The following COG5 variants were observed in gnomAD, a reference collection of about 807,000 sequenced individuals.
The protein encoded by COG5 is conserved oligomeric Golgi complex subunit 5.
Under a neutral mutation model 110.4 loss-of-function variants are expected in COG5, and 86 were observed. The observed-to-expected ratio is 0.78, with a 90% CI of 0.65 to 0.93. The LOEUF is 0.93. Among genes scored for constraint, COG5 ranks in the 40% least tolerant of loss-of-function variants. The pLI is 0.00. For synonymous variants in COG5, 360 were observed against 334.6 expected, an observed-to-expected ratio of 1.08 and a Z score of -0.83; for missense variants, 1,077 against 987.0, an observed-to-expected ratio of 1.09 and a Z score of -1.22.
rs184577995 is a variant in COG5, at chr7:107,378,241, A to T, written c.670-5481T>A. ...ATAGCGTCAACATCAACAAAAAGGA[A>T]GTCCAAAGAGAAACCCCATCTGAAG... On this transcript the variant is annotated intron_variant, in intron 7 of 21. Transcript: ENST00000297135. 1.4e-4 allele frequency among the ~76,000 whole-genome samples: 21 copies of T among 152,276 alleles called. No homozygotes were observed. The East Asian group carries it at 4.1e-3, about 29-fold the overall frequency.
intron 7 of COG5, among the ~76,000 whole-genome samples, chr7:107,403,587 C>A (rs558865444): frequency 6.6e-6 from 1 of 151,550 alleles, no homozygotes; most frequent in East Asian, 1.9e-4. Flanking sequence ...CCTTCCCTGA[C>A]AACGGACACC....
chr7:107,455,032 C>T (rs1254483719), intron 6 of COG5, among the ~76,000 whole-genome samples: 1 of 152,028 alleles, frequency 6.6e-6, no homozygotes, highest in Non-Finnish European at 1.5e-5. Context: ...CACCTTATAC[C>T]TAAGTACTTT....
intron 3 of COG5, among the ~76,000 whole-genome samples, chr7:107,549,567 T>C (rs560035197): frequency 2.6e-5 from 4 of 151,374 alleles, no homozygotes; most frequent in Admixed American, 6.6e-5. Context: ...AATTTTTTTT[T>C]TTTTTTTTGT....
At chr7:107,210,207 T>A in intron 21 of COG5, 6 of 1,192,634 alleles carry the variant, frequency 5.0e-6, no homozygotes, top group Non-Finnish European at 6.3e-6. Flanking sequence ...AAGTAAAAGA[T>A]GCGGAGCTAG....
At position 107,386,288 on chromosome 7, in the gene COG5, CG is replaced by C. The variant is rs1790188507; in HGVS notation, c.670-13529del. ...GGGGTGGGGGTGGTTGTCAAGGAGT[CG>C]GGGCCGGGGTTGCAACTGTTTATGG... On this transcript the variant is annotated intron_variant, in intron 7 of 21. Coordinates refer to ENST00000297135, the MANE Select transcript of COG5 (RefSeq NM_006348.5). 7.3e-5 allele frequency among the ~76,000 whole-genome samples: 11 copies of C among 151,012 alleles called. No homozygotes were observed. The South Asian group carries it at 2.3e-3, about 32-fold the overall frequency.
chr7:107,365,970 T>C (rs1244624177), intron 8 of COG5, among the ~76,000 whole-genome samples: 4 of 152,064 alleles, frequency 2.6e-5, no homozygotes, highest in Admixed American at 1.3e-4. Context: ...TTTTCAATGA[T>C]GAATAATCAT....
At chr7:107,225,896 T>C (rs1800298444) in intron 19 of COG5, among the ~76,000 whole-genome samples, 1 of 151,828 alleles carries the variant, frequency 6.6e-6, no homozygotes, top group Admixed American at 6.6e-5. Context: ...TACAAAAATT[T>C]GCCGGGCATG....
intron 11 of COG5, among the ~76,000 whole-genome samples, chr7:107,305,281 A>G (rs1807616169): frequency 6.6e-6 from 1 of 152,198 alleles, no homozygotes; most frequent in Non-Finnish European, 1.5e-5. Flanking sequence ...GTCAGCCTTC[A>G]TAGCTTAATT....
chr7:107,249,431 A>G lies in COG5; in HGVS notation c.1750-932T>C, dbSNP rs184057718. Among the ~76,000 whole-genome samples, 114 of 152,258 alleles carry G rather than the reference A, an allele frequency of 7.5e-4. 5 individuals are homozygous for G. Among genetic ancestry groups the G allele is most frequent in the Admixed American group, 7.1e-3 (109 of 15,290 alleles). ...ACTGTTCAACAGGGAGGTATAAATC[A>G]TCATTTACTTGATGTAAAACCCTAG... is the stretch of plus-strand genomic sequence containing the variant. On this transcript the variant is annotated intron_variant, in intron 16 of 21. Transcript: ENST00000297135.
At chr7:107,352,144 T>C (rs1812205643) in intron 10 of COG5, among the ~76,000 whole-genome samples, 2 of 147,000 alleles carry the variant, frequency 1.4e-5, no homozygotes, top group South Asian at 4.4e-4. Flanking sequence ...AAATGATGAG[T>C]TCATATCCTT....
At chr7:107,247,179 G>A (rs376159198) in intron 17 of COG5, among the ~76,000 whole-genome samples, 6 of 152,028 alleles carry the variant, frequency 3.9e-5, no homozygotes, top group African/African-American at 1.4e-4. Context: ...GAGAACTTAC[G>A]AACACAAAGA....
In COG5 at chr7:107,209,857, A is replaced by T. The variant is rs927338454; in HGVS notation, c.2375+669T>A. ...GGCGGTCAACTGTAGCTAAAGCTAC[A>T]GAGTGGTAAGGTAAAAATGGGAATG... On this transcript the variant is annotated intron_variant, in intron 21 of 21. Transcript: ENST00000297135. 1.1e-5 allele frequency: 11 copies of T among 985,728 alleles called. No homozygotes were observed. In the African/African-American group the frequency reaches 1.4e-4, roughly 12 times the overall value. 61.1% of individuals were successfully genotyped at this position (985,728 alleles called of 1,614,324 possible). A position where few individuals can be genotyped will look rare whatever the true frequency, so the allele number is the denominator to read the frequency against.
Position 107,438,747 on chromosome 7 carries a change from G to A in COG5, c.539-26115C>T, listed in dbSNP as rs934942943. ...AAAGAAGTAATTATAAACTAGAGGC[G>A]ATTTAAGTGCTTGAAAAGACCATGA... On this transcript the variant is annotated intron_variant, in intron 6 of 21. Transcript: ENST00000297135. 3.9e-5 allele frequency among the ~76,000 whole-genome samples: 6 copies of A among 152,138 alleles called. No individual in the cohort carries two copies. The South Asian group carries it at 6.2e-4, about 16-fold the overall frequency.
intron 10 of COG5, among the ~76,000 whole-genome samples, chr7:107,358,046 A>AT (rs1812780457): frequency 6.6e-6 from 1 of 152,210 alleles, no homozygotes; most frequent in African/African-American, 2.4e-5. Flanking sequence ...TCAAGAATTT[A>AT]TATGTGTTTT....
At chr7:107,470,329 C>T (rs147017875) in intron 6 of COG5, 3 of 152,218 alleles carry the variant, frequency 2.0e-5, no homozygotes, top group East Asian at 1.9e-4. Flanking sequence ...AGGTCATTTT[C>T]GAAGAGATGT....
chr7:107,319,873 G>T (rs949499578), intron 11 of COG5, among the ~76,000 whole-genome samples: 4 of 152,094 alleles, frequency 2.6e-5, no homozygotes, highest in Non-Finnish European at 4.4e-5. Context: ...TGGCAGCAGG[G>T]TCACTGGAGG....
intron 21 of COG5, chr7:107,208,480 G>A (rs1798927082): frequency 2.0e-6 from 2 of 985,278 alleles, no homozygotes; most frequent in Non-Finnish European, 2.4e-6. Context: ...AAATGAACGT[G>A]TTCAATTAAC....
intron 14 of COG5, 103 bp from the exon 15 acceptor site, chr7:107,258,486 T>C: frequency 1.3e-6 from 1 of 767,518 alleles, no homozygotes; most frequent in Non-Finnish European, 2.4e-6. Flanking sequence ...ACACATTCTT[T>C]AACCGGGGAG....
chr7:107,509,915 G>A lies in COG5; in HGVS notation c.538+17322C>T, dbSNP rs939862117. On this transcript the variant is annotated intron_variant, in intron 6 of 21. Transcript: ENST00000297135. ...CTGAAAGAAGCACTAAACATGGAAAGGAACAACCGGTACCAGCCACTGCAA... is the reference window on the plus strand; with the variant it reads ...CTGAAAGAAGCACTAAACATGGAAAAGAACAACCGGTACCAGCCACTGCAA... Among the ~76,000 whole-genome samples, 12 of 152,212 alleles carry A rather than the reference G, an allele frequency of 7.9e-5. No homozygotes were observed. The South Asian group carries it at 1.2e-3, about 16-fold the overall frequency.
Sources: gnomAD v4.1 joint callset for allele counts (sites outside exome capture counted in the v4.1 genomes callset) on GRCh38, gnomAD v4.1.1 for gene constraint, MANE v1.5 for transcripts, NCBI Gene and HGNC (gene_info 2026-07-23, HGNC 2026-07-21) for gene names.